The following INPP4B variants were observed in gnomAD, a reference collection of about 807,000 sequenced individuals.
INPP4B encodes the protein inositol polyphosphate 4-phosphatase type II.
In INPP4B, 55 loss-of-function variants were observed where a neutral mutation model predicts 122.5. The observed-to-expected ratio is 0.45, with a 90% CI of 0.36 to 0.56. The LOEUF is 0.56. Ranked by LOEUF, INPP4B falls within the 20% of genes least tolerant of loss-of-function variation. The pLI is 0.00. For missense variants in INPP4B, 1,000 were observed against 1,097.7 expected (o/e 0.91, Z 1.26); for synonymous variants, 403 against 388.7 (o/e 1.04, Z -0.43).
intron 7 of INPP4B, among the ~76,000 whole-genome samples, chr4:142,382,911 A>C (rs1020249585): frequency 1.3e-5 from 2 of 151,820 alleles, no homozygotes; most frequent in African/African-American, 4.8e-5. Flanking sequence ...TGGTTAACTT[A>C]GTGTCTAGCA....
intron 3 of INPP4B, among the ~76,000 whole-genome samples, chr4:142,433,909 A>G (rs928349882): frequency 6.6e-6 from 1 of 152,194 alleles, no homozygotes; most frequent in African/African-American, 2.4e-5. Flanking sequence ...AAAAAAGGAA[A>G]TGGAGATTAA....
intron 24 of INPP4B, among the ~76,000 whole-genome samples, chr4:142,084,298 A>G (rs1775616783): frequency 1.3e-5 from 2 of 151,560 alleles, no homozygotes; most frequent in Non-Finnish European, 2.9e-5. Flanking sequence ...TAATTTTTGT[A>G]TTTTAGTAGA....
At chr4:142,498,336 A>G (rs1822919975) in intron 2 of INPP4B, among the ~76,000 whole-genome samples, 1 of 151,860 alleles carries the variant, frequency 6.6e-6, no homozygotes, top group Non-Finnish European at 1.5e-5. Flanking sequence ...CCCTACCCAT[A>G]ATTCCTCTAA....
intron 7 of INPP4B, among the ~76,000 whole-genome samples, chr4:142,397,020 C>T (rs980033665): frequency 1.3e-5 from 2 of 152,102 alleles, no homozygotes; most frequent in African/African-American, 4.8e-5. Context: ...TGGGCATACG[C>T]AATTGTCAAA....
intron 2 of INPP4B, among the ~76,000 whole-genome samples, chr4:142,508,321 G>A (rs1824271941): frequency 6.6e-6 from 1 of 152,102 alleles, no homozygotes; most frequent in Non-Finnish European, 1.5e-5. Flanking sequence ...ACTCTCCAAG[G>A]CTAGAGTGCA....
chr4:142,094,635 C>A (rs1781071154), intron 23 of INPP4B, among the ~76,000 whole-genome samples: 1 of 152,166 alleles, frequency 6.6e-6, no homozygotes, highest in South Asian at 2.1e-4. Flanking sequence ...TCTCCAAAAA[C>A]CAAGGGCTCA....
At chr4:142,688,622 C>G (rs1204259095) in intron 2 of INPP4B, among the ~76,000 whole-genome samples, 1 of 152,146 alleles carries the variant, frequency 6.6e-6, no homozygotes, top group Non-Finnish European at 1.5e-5. Context: ...TTGTTCATTC[C>G]TGGGCATAGG....
At chr4:142,483,665 A>T (rs1462260500) in intron 2 of INPP4B, among the ~76,000 whole-genome samples, 4 of 152,086 alleles carry the variant, frequency 2.6e-5, no homozygotes, top group Non-Finnish European at 4.4e-5. Context: ...CCTTATCTGA[A>T]GTGATGAGCA....
intron 2 of INPP4B, among the ~76,000 whole-genome samples, chr4:142,612,811 A>T (rs1742856069): frequency 6.6e-6 from 1 of 152,010 alleles, no homozygotes; most frequent in Non-Finnish European, 1.5e-5. Context: ...AGGATTTAAC[A>T]CCCTATGAAA....
At chr4:142,788,612 C>T (rs554374615) in intron 1 of INPP4B, among the ~76,000 whole-genome samples, 2 of 152,138 alleles carry the variant, frequency 1.3e-5, no homozygotes, top group South Asian at 2.1e-4. Flanking sequence ...TTTTATCCCC[C>T]ACCCCTGCCT....
At chr4:142,190,506 T>C (rs1835304715) in intron 15 of INPP4B, among the ~76,000 whole-genome samples, 1 of 152,214 alleles carries the variant, frequency 6.6e-6, no homozygotes, top group South Asian at 2.1e-4. Flanking sequence ...CTCACCAGTA[T>C]ATTGCCTCAG....
At chr4:142,040,040 G>A (rs933810757) in intron 25 of INPP4B, among the ~76,000 whole-genome samples, 1 of 151,636 alleles carries the variant, frequency 6.6e-6, no homozygotes, top group Admixed American at 6.6e-5. Flanking sequence ...GCGGGTTGGG[G>A]GGGTAATACA....
intron 1 of INPP4B, among the ~76,000 whole-genome samples, chr4:142,827,465 A>C (rs1781585876): frequency 1.3e-5 from 2 of 152,202 alleles, no homozygotes; most frequent in African/African-American, 2.4e-5. Context: ...CATTCACCAA[A>C]AAAGGTGCAA....
intron 11 of INPP4B, among the ~76,000 whole-genome samples, chr4:142,238,277 A>G (rs1291769105): frequency 6.6e-6 from 1 of 152,002 alleles, no homozygotes; most frequent in Admixed American, 6.6e-5. Flanking sequence ...ATTAAAAAAA[A>G]TTATACATCA....
At chr4:142,405,175 GA>G in intron 6 of INPP4B, 30 bp downstream of exon 6, 1 of 1,262,712 alleles carries the variant, frequency 7.9e-7, no homozygotes, top group Non-Finnish European at 1.2e-6. Context: ...GAGAGAGAGA[GA>G]GAGATTAATG....
At chr4:142,260,827 C>T (rs1431978291) in intron 10 of INPP4B, among the ~76,000 whole-genome samples, 1 of 152,088 alleles carries the variant, frequency 6.6e-6, no homozygotes, top group Non-Finnish European at 1.5e-5. Flanking sequence ...AAATGATTAT[C>T]CCCAACATGC....
At chr4:142,722,650 T>C (rs1764836003) in intron 2 of INPP4B, among the ~76,000 whole-genome samples, 1 of 152,206 alleles carries the variant, frequency 6.6e-6, no homozygotes, top group South Asian at 2.1e-4. Flanking sequence ...TACTTTTTAA[T>C]CACTTCTCCA....
intron 25 of INPP4B, among the ~76,000 whole-genome samples, chr4:142,039,014 C>T (rs1029009682): frequency 1.9e-4 from 29 of 152,034 alleles, no homozygotes; most frequent in African/African-American, 5.1e-4. Context: ...GATTGAGATC[C>T]CTTAAGCACA....
intron 16 of INPP4B, among the ~76,000 whole-genome samples, chr4:142,166,973 C>G (rs747532783): frequency 3.3e-5 from 5 of 151,748 alleles, no homozygotes; most frequent in Non-Finnish European, 7.4e-5. Context: ...TTATGGAAGA[C>G]AGTAGCGTGG....
Sources: gnomAD v4.1 joint callset for allele counts (sites outside exome capture counted in the v4.1 genomes callset) on GRCh38, gnomAD v4.1.1 for gene constraint, MANE v1.5 for transcripts, NCBI Gene and HGNC (gene_info 2026-07-23, HGNC 2026-07-21) for gene names.